CC2D1B: variants seen among roughly 807,000 people sequenced by gnomAD.
CC2D1B encodes coiled-coil and C2 domain containing 1B, also known as coiled-coil and C2 domain-containing protein 1B.
In CC2D1B, 92 loss-of-function variants were observed where a neutral mutation model predicts 110.8. The observed-to-expected ratio is 0.83, with a 90% CI of 0.70 to 0.99. The LOEUF (loss-of-function observed/expected upper bound fraction) is 0.99, where lower values mean the gene tolerates loss of function less well. CC2D1B is among the 50% of genes least tolerant of loss of function. The pLI is 0.00. For synonymous variants in CC2D1B, 406 were observed against 429.2 expected (o/e 0.95, Z 0.67); for missense variants, 1,136 against 1,089.0 (o/e 1.04, Z -0.61).
In CC2D1B at chr1:52,351,122, A is replaced by T. The variant is rs924886471; in HGVS notation, c.*2103T>A. ...TCCTCCTACTACCAGTGACGCATGCATGCCTTTGGCTACAACAAAGGCCTT... is the reference window on the plus strand; with the variant it reads ...TCCTCCTACTACCAGTGACGCATGCTTGCCTTTGGCTACAACAAAGGCCTT... On this transcript the variant is annotated 3_prime_UTR_variant, in exon 25 of 25. Coordinates refer to ENST00000284376, the MANE Select transcript of CC2D1B (RefSeq NM_001330585.2). 3 of 152,234 alleles carry T rather than the reference A, an allele frequency of 2.0e-5. No individual in the cohort carries two copies. Among genetic ancestry groups the T allele is most frequent in the African/African-American group, 4.8e-5 (2 of 41,458 alleles). The allele number at this position is 152,234 out of a possible 1,614,324, so 9.4% of individuals were successfully genotyped here.
intron 13 of CC2D1B, 148 bp from the exon 14 acceptor site, chr1:52,358,046 T>C: frequency 8.0e-7 from 1 of 1,244,112 alleles, no homozygotes; most frequent in Non-Finnish European, 1.1e-6. Context: ...CTAAAAGATC[T>C]GAGAGCTAGA....
At chr1:52,363,947 C>A (rs1460667383) in intron 2 of CC2D1B, among the ~76,000 whole-genome samples, 1 of 152,194 alleles carries the variant, frequency 6.6e-6, no homozygotes, top group African/African-American at 2.4e-5. Context: ...TCCCAAAGTG[C>A]TGGGATTACA....
At chr1:52,362,576 A>G (rs1569868455) in intron 3 of CC2D1B, 26 bp downstream of exon 3, 1 of 1,613,876 alleles carries the variant, frequency 6.2e-7, no homozygotes, top group Non-Finnish European at 8.5e-7. Flanking sequence ...TCCCAGCACC[A>G]AGACCAGCCC....
Position 52,359,699 on chromosome 1 carries a change from C to T in CC2D1B, c.942+6G>A. 6.3e-7 allele frequency: 1 copy of T among 1,592,564 alleles called. No individual in the cohort carries two copies. Among genetic ancestry groups the T allele is most frequent in the Non-Finnish European group, 8.6e-7 (1 of 1,169,334 alleles). On this transcript the variant is annotated splice_donor_region_variant and intron_variant, in intron 8 of 24. Coordinates refer to ENST00000284376, the MANE Select transcript of CC2D1B (RefSeq NM_001330585.2). Reference sequence around the variant, plus strand: ...GAGGGTGGGTGCCCTGAGCCAGATGCCATACCTTCCCAATCCTCATGAGCT... The same window carrying T: ...GAGGGTGGGTGCCCTGAGCCAGATGTCATACCTTCCCAATCCTCATGAGCT...
chr1:52,356,364 G>A lies in CC2D1B; in HGVS notation c.1937+20C>T. 1 of 1,614,088 alleles carries A rather than the reference G, an allele frequency of 6.2e-7. No individual in the cohort carries two copies. Among genetic ancestry groups the A allele is most frequent in the Non-Finnish European group, 8.5e-7 (1 of 1,179,940 alleles). Reference sequence around the variant, plus strand: ...TTCTGCTCCCCACCCTATGAGCCCAGCCCCAGCCCTTGCACTTACCGGGTG... The same window carrying A: ...TTCTGCTCCCCACCCTATGAGCCCAACCCCAGCCCTTGCACTTACCGGGTG... On this transcript the variant is annotated intron_variant, in intron 17 of 24. Coordinates refer to ENST00000284376, the MANE Select transcript of CC2D1B (RefSeq NM_001330585.2).
rs1392796500 is a variant in CC2D1B, at chr1:52,362,642, T to C, written c.174A>G (p.Glu58=). 3 of 1,614,170 alleles carry C rather than the reference T, an allele frequency of 1.9e-6. No individual in the cohort carries two copies. The highest frequency in any genetic ancestry group is 2.5e-6 in the Non-Finnish European group (3 of 1,180,028). The stretch of plus-strand genomic sequence containing the variant: ...CTGGCTTCTTGCCTGTGGTTTGTGC[T>C]TCCCCTGTGAGAGCCAGCAGCTCAG... ...LEAELLALTG[E]AQTTGKKPAP... The change falls in exon 3 of 25, where the codon GAA becomes GAG. Residue 58 remains glutamate, a synonymous_variant. Coordinates refer to ENST00000284376, the MANE Select transcript of CC2D1B (RefSeq NM_001330585.2).
intron 7 of CC2D1B, 69 bp from the exon 8 acceptor site, chr1:52,359,952 T>C: frequency 1.3e-6 from 2 of 1,562,572 alleles, no homozygotes; most frequent in East Asian, 4.5e-5. Flanking sequence ...CGGACTTCAC[T>C]GGCTTGAGGA....
intron 16 of CC2D1B, 62 bp downstream of exon 16, chr1:52,356,938 AG>A: frequency 2.0e-6 from 3 of 1,507,528 alleles, no homozygotes; most frequent in Non-Finnish European, 1.8e-6. Flanking sequence ...TCTGAGCTCC[AG>A]GTCTTCCTCC....
chr1:52,363,750 G>C (rs1345027916), intron 2 of CC2D1B, among the ~76,000 whole-genome samples: 2 of 149,240 alleles, frequency 1.3e-5, no homozygotes, highest in Middle Eastern at 3.2e-3. Flanking sequence ...GCACTATCTT[G>C]GCTCACTGCA....
rs376425581 is a variant in CC2D1B, at chr1:52,360,526, G to A, written c.501C>T (p.His167=). The stretch of plus-strand genomic sequence containing the variant: ...TGTGAATCCGTTCCTCCAGCAAAGC[G>A]TGTAGCCCCTGAGATGCTCCGGCCT... ...AAQAGASQGL[H]ALLEERIHNY... The change falls in exon 6 of 25, where the codon CAC becomes CAT. Residue 167 remains histidine (H), a synonymous_variant. Coordinates refer to ENST00000284376, the MANE Select transcript of CC2D1B (RefSeq NM_001330585.2). 6.2e-5 allele frequency: 100 copies of A among 1,614,026 alleles called. 1 individual carries two copies. The highest frequency in any genetic ancestry group is 1.1e-4 in the East Asian group (5 of 44,900).
At chr1:52,363,853 G>C (rs1331728698) in intron 2 of CC2D1B, among the ~76,000 whole-genome samples, 3 of 151,994 alleles carry the variant, frequency 2.0e-5, no homozygotes, top group Non-Finnish European at 4.4e-5. Flanking sequence ...GCTAATTTTT[G>C]TATTTTTAGT....
intron 5 of CC2D1B, 45 bp downstream of exon 5, chr1:52,360,929 C>T (rs746295929): frequency 1.3e-5 from 21 of 1,608,038 alleles, no homozygotes; most frequent in African/African-American, 2.7e-5. Context: ...TACGTCTGGG[C>T]GCACAGGAGC....
chr1:52,355,044 G>A, intron 21 of CC2D1B, 105 bp from the exon 22 acceptor site: 1 of 889,004 alleles, frequency 1.1e-6, no homozygotes, highest in Non-Finnish European at 1.8e-6. Flanking sequence ...CTCTCCACCT[G>A]CATTTTGGGG....
rs1170849937 is a variant in CC2D1B, at chr1:52,351,898, A to G, written c.*1327T>C. 6.6e-6 allele frequency: 1 copy of G among 151,576 alleles called. No homozygotes were observed. Among genetic ancestry groups the G allele is most frequent in the Non-Finnish European group, 1.5e-5 (1 of 67,922 alleles). The allele number at this position is 151,576 out of a possible 1,614,324, so 9.4% of individuals were successfully genotyped here. ...TACTCTGTCTCAAAAAAAAAAAAAA[A>G]AAAAAAATCGGCCAGAGGGCTCATG... On this transcript the variant is annotated 3_prime_UTR_variant, in exon 25 of 25. Coordinates refer to ENST00000284376, the MANE Select transcript of CC2D1B (RefSeq NM_001330585.2).
At chr1:52,358,927 G>C in intron 11 of CC2D1B, 100 bp downstream of exon 11, 6 of 1,523,700 alleles carry the variant, frequency 3.9e-6, no homozygotes, top group Non-Finnish European at 5.3e-6. Flanking sequence ...AACAGATGAT[G>C]GTTCAGAAAA....
chr1:52,359,518 A>G lies in CC2D1B; in HGVS notation c.959T>C (p.Leu320Pro), dbSNP rs749653124. 8 of 1,614,012 alleles carry G rather than the reference A, an allele frequency of 5.0e-6. No individual in the cohort carries two copies. The highest frequency in any genetic ancestry group is 6.8e-6 in the Non-Finnish European group (8 of 1,180,010). The change falls in exon 9 of 25, where the codon CTG (leucine) becomes CCG (proline). Residue 320 changes from leucine to proline, a missense_variant. Leu to Pro is a moderately conservative substitution (Grantham distance 98). Transcript: ENST00000284376. ...MRIGKRFGAV[L>P]EALEKGQPVD... ...GGGCTGCCCCTTCTCCAGGGCCTCC[A>G]GGACAGCACCGAATCTCTGCAGAAG...
Position 52,354,703 on chromosome 1 carries a change from G to A in CC2D1B, c.2340-5C>T, listed in dbSNP as rs745971774. On this transcript the variant is annotated splice_region_variant and splice_polypyrimidine_tract_variant and intron_variant, in intron 22 of 24. Coordinates refer to ENST00000284376, the MANE Select transcript of CC2D1B (RefSeq NM_001330585.2). ...TTGTCGCTTCTGAAGAAGGACCTGG[G>A]GAGTCAAGAGGCAGCAGAGGATTGG... is the stretch of plus-strand genomic sequence containing the variant. 2.5e-6 allele frequency: 4 copies of A among 1,613,986 alleles called. No homozygotes were observed. Among genetic ancestry groups the A allele is most frequent in the South Asian group, 1.1e-5 (1 of 91,082 alleles).
In CC2D1B at chr1:52,358,745, G is replaced by A. The variant is rs1401493489; in HGVS notation, c.1271C>T (p.Ala424Val). The change falls in exon 12 of 25, where the codon GCT becomes GTT. Residue 424 changes from alanine (A) to valine (V), a missense_variant. Coordinates refer to ENST00000284376, the MANE Select transcript of CC2D1B (RefSeq NM_001330585.2). ...HERIAKQYQD[A>V]IRAHRAGRKV... ...CCGTCCTGCTCGGTGTGCTCGAATA[G>A]CATCTTGATATTGCTGCAAGGGAAG... 3 of 1,610,758 alleles carry A rather than the reference G, an allele frequency of 1.9e-6. No homozygotes were observed. The highest frequency in any genetic ancestry group is 4.5e-5 in the East Asian group (2 of 44,856).
chr1:52,353,406 A>C, intron 24 of CC2D1B, 112 bp downstream of exon 24: 1 of 1,522,270 alleles, frequency 6.6e-7, no homozygotes, highest in Admixed American at 2.2e-5. Context: ...CCAGCATGGT[A>C]GGTCTTTCTC....
Sources: allele counts gnomAD v4.1 joint callset (sites outside exome capture counted in the v4.1 genomes callset), GRCh38; gene constraint gnomAD v4.1.1; transcripts MANE v1.5; gene names NCBI Gene and HGNC (gene_info 2026-07-23, HGNC 2026-07-21).